ZNF888: variants seen among roughly 807,000 people sequenced by gnomAD.
ZNF888 encodes the protein zinc finger protein 888.
In ZNF888, 5 loss-of-function variants were observed where a neutral mutation model predicts 7.2. The ratio of observed to expected loss-of-function variants is 0.70; its 90% CI spans 0.36 to 1.46. ZNF888 has a LOEUF of 1.46. Ranked by LOEUF, ZNF888 falls within the 40% of genes most tolerant of loss-of-function variation. The pLI, the probability that ZNF888 is intolerant of heterozygous loss-of-function variation, is 0.03. For synonymous variants in ZNF888, 240 were observed against 284.3 expected (o/e 0.84, Z 1.57); for missense variants, 716 against 858.0 (o/e 0.83, Z 2.07).
chr19:52,907,181 G>C lies in ZNF888; in HGVS notation c.1141C>G (p.Pro381Ala), dbSNP rs1171323701. Residue 381 changes from proline to alanine, a missense_variant, in exon 5 of 5, where the codon CCA (proline) becomes GCA (alanine). Around this residue, in one of 2 missense-constraint regions of ZNF888, gnomAD observed 697 missense variants for 803.4 expected, o/e 0.87. Transcript: ENST00000638862. ...RHRRIHTGEK[P>A]YKCKVCDKAF... is the part of the protein sequence containing the mutation. The stretch of plus-strand genomic sequence containing the variant: ...TTGTCACAAACCTTACATTTGTATG[G>C]TTTCTCACCAGTGTGAATTCTCCTA... 5 of 1,612,256 alleles carry C rather than the reference G, an allele frequency of 3.1e-6. No individual in the cohort carries two copies. The highest frequency in any genetic ancestry group is 4.2e-6 in the Non-Finnish European group (5 of 1,179,614).
chr19:52,911,629 T>C (rs569868607), intron 4 of ZNF888, among the ~76,000 whole-genome samples: 105 of 151,928 alleles, frequency 6.9e-4, no homozygotes, highest in Middle Eastern at 3.4e-3. Flanking sequence ...TGAGCCACCG[T>C]GCCCAGCATC....
rs1328327140 is a variant in ZNF888 at position 52,917,889 on chromosome 19, T to TTTCCTC, written c.-22_-17dup. The TTTCCTC allele has an allele frequency of 6.2e-7, 1 of 1,612,328 alleles. No individual in the cohort carries two copies. Among genetic ancestry groups the TTTCCTC allele is most frequent in the Non-Finnish European group, 8.5e-7 (1 of 1,180,000 alleles). ...GAAGAGCCATCCCTGACTCCTTTGC[T>TTTCCTC]TTCCTCTTCCTCTTCTGAGTTTCTT... On this transcript the variant is annotated 5_prime_UTR_variant, in exon 3 of 5. Coordinates refer to ENST00000638862, the MANE Select transcript of ZNF888 (RefSeq NM_001393938.1).
chr19:52,907,268 T>G lies in ZNF888; in HGVS notation c.1054A>C (p.Lys352Gln). 15 of 1,613,342 alleles carry G rather than the reference T, an allele frequency of 9.3e-6. No homozygotes were observed. The highest frequency in any genetic ancestry group is 1.3e-5 in the Non-Finnish European group (15 of 1,179,804). The change falls in exon 5 of 5, where the codon AAA becomes CAA. Residue 352 changes from lysine (K) to glutamine (Q), a missense_variant. Physicochemically the swap from Lys to Gln is moderately conservative, Grantham distance 53. Around this residue, in one of 2 missense-constraint regions of ZNF888, gnomAD observed 697 missense variants for 803.4 expected, o/e 0.87. Coordinates refer to ENST00000638862, the MANE Select transcript of ZNF888 (RefSeq NM_001393938.1). The part of the protein sequence containing the change: ...ARHHRVHTGE[K>Q]PYQCKECDKV... The stretch of plus-strand genomic sequence containing the variant: ...TCACATTCTTTACATTGGTAAGGTT[T>G]CTCTCCAGTATGAACTCTATGATGA...
chr19:52,917,536 C>G (rs2064765283), intron 3 of ZNF888: 1 of 659,736 alleles, frequency 1.5e-6, no homozygotes, highest in Non-Finnish European at 2.7e-6. Context: ...CCACAGAAAA[C>G]TGACAGTGCA....
At position 52,908,754 on chromosome 19, in the gene ZNF888, A is replaced by G. The variant is rs936304879; in HGVS notation, c.143-575T>C. Among the ~76,000 whole-genome samples, 193 of 151,200 alleles carry G rather than the reference A, an allele frequency of 1.3e-3. 1 individual carries two copies. Among genetic ancestry groups the G allele is most frequent in the South Asian group, 1.3e-3 (6 of 4,778 alleles). On this transcript the variant is annotated intron_variant, in intron 4 of 4. Coordinates refer to ENST00000638862, the MANE Select transcript of ZNF888 (RefSeq NM_001393938.1). The stretch of plus-strand genomic sequence containing the variant: ...CCAGGTACTCGGGAGGCTGAGGCAC[A>G]AGAATCACTTTAAGCCAAGAGGCAA...
Position 52,907,941 on chromosome 19 carries a change from T to C in ZNF888, c.381A>G (p.Gln127=), listed in dbSNP as rs2064631361. The C allele has an allele frequency of 2.5e-6, 4 of 1,614,140 alleles. No homozygotes were observed. The Admixed American group carries it at 6.7e-5, about 27-fold the overall frequency. ...TAATAGGCTTGTTTCCAGCATGCCT[T>C]TGATCATATTGGTCTGTACTACCCG... ...ELTGSTDQYD[Q]RHAGNKPIKY... The change falls in exon 5 of 5, where the codon CAA becomes CAG. Residue 127 remains glutamine (Q), a synonymous_variant. Transcript: ENST00000638862.
intron 1 of ZNF888, among the ~76,000 whole-genome samples, chr19:52,922,377 G>C (rs1470454788): frequency 6.6e-6 from 1 of 151,824 alleles, no homozygotes; most frequent in Non-Finnish European, 1.5e-5. Flanking sequence ...TTCTCCCTCT[G>C]TTCTCCTTGC....
At chr19:52,917,693 G>A (rs555241317) in intron 3 of ZNF888, among the ~76,000 whole-genome samples, 166 bp downstream of exon 3, 1 of 152,132 alleles carries the variant, frequency 6.6e-6, no homozygotes, top group Non-Finnish European at 1.5e-5. Flanking sequence ...ATTGGGTCAC[G>A]AGAGATGGAA....
In ZNF888 at chr19:52,916,638, A is replaced by G. The variant is rs890095491; in HGVS notation, c.15+1221T>C. 1.2e-4 allele frequency among the ~76,000 whole-genome samples: 9 copies of G among 72,796 alleles called. No individual in the cohort carries two copies. The Admixed American group carries it at 1.5e-3, about 12-fold the overall frequency. 47.8% of individuals were successfully genotyped at this position (72,796 alleles called of 152,430 possible). On this transcript the variant is annotated intron_variant, in intron 3 of 4. Coordinates refer to ENST00000638862, the MANE Select transcript of ZNF888 (RefSeq NM_001393938.1). The stretch of plus-strand genomic sequence containing the variant: ...TACATATATATATATATATATATAT[A>G]TATAGGTTTTAAATATATAAAAAGT...
intron 3 of ZNF888, among the ~76,000 whole-genome samples, chr19:52,916,062 C>T (rs1244650107): frequency 1.3e-5 from 2 of 152,250 alleles, no homozygotes; most frequent in Non-Finnish European, 2.9e-5. Flanking sequence ...AGGAGAATGG[C>T]TTGATCCCAG....
chr19:52,911,573 C>G (rs555544174), intron 4 of ZNF888, among the ~76,000 whole-genome samples: 1 of 151,310 alleles, frequency 6.6e-6, no homozygotes, highest in Non-Finnish European at 1.5e-5. Context: ...CTCCTGACCT[C>G]GTGATCCTCC....
intron 4 of ZNF888, among the ~76,000 whole-genome samples, chr19:52,912,177 G>GCA (rs1435567715): frequency 1.4e-5 from 2 of 139,590 alleles, no homozygotes; most frequent in Non-Finnish European, 1.5e-5. Flanking sequence ...GTCGTGGCAA[G>GCA]ATCTCGGCTC....
In ZNF888 at chr19:52,906,263, C is replaced by G; in HGVS notation, c.2059G>C (p.Glu687Gln). Residue 687 changes from glutamate (E) to glutamine (Q), a missense_variant, in exon 5 of 5, where the codon GAG (glutamate) becomes CAG (glutamine). Transcript: ENST00000638862. ...LAQHTRIHTGEKPFKCSECGK... is the reference protein window; with the variant it reads ...LAQHTRIHTGQKPFKCSECGK... Reference sequence around the variant, plus strand: ...CACTCACTACACTTGAAAGGTTTCTCTCCAGTATGAATTCTAGTATGTTGT... The same window carrying G: ...CACTCACTACACTTGAAAGGTTTCTGTCCAGTATGAATTCTAGTATGTTGT... 1 of 1,611,998 alleles carries G rather than the reference C, an allele frequency of 6.2e-7. No homozygotes were observed. Among genetic ancestry groups the G allele is most frequent in the Admixed American group, 1.7e-5 (1 of 59,950 alleles).
chr19:52,922,505 T>C (rs771221423), intron 1 of ZNF888, among the ~76,000 whole-genome samples: 1 of 152,138 alleles, frequency 6.6e-6, no homozygotes, highest in Non-Finnish European at 1.5e-5. Flanking sequence ...CCTTCATCTC[T>C]CTGTACATCC....
chr19:52,917,332 C>T (rs1279108557), intron 3 of ZNF888: 2 of 234,332 alleles, frequency 8.5e-6, no homozygotes, highest in African/African-American at 4.6e-5. Context: ...AGGCACACAC[C>T]ACCATGCCCA....
chr19:52,911,018 A>G (rs947290384), intron 4 of ZNF888, among the ~76,000 whole-genome samples: 4 of 151,954 alleles, frequency 2.6e-5, no homozygotes, highest in African/African-American at 9.7e-5. Flanking sequence ...GTCTGGGATT[A>G]CAGGTGCACA....
chr19:52,906,631 C>T lies in ZNF888; in HGVS notation c.1691G>A (p.Ser564Asn). Residue 564 changes from serine (S) to asparagine (N), a missense_variant, in exon 5 of 5, where the codon AGC becomes AAC. This residue lies in a region of ZNF888 where 697 missense variants were observed against 803.4 expected (regional missense o/e 0.87). Coordinates refer to ENST00000638862, the MANE Select transcript of ZNF888 (RefSeq NM_001393938.1). The stretch of plus-strand genomic sequence containing the variant: ...ATGAAGTCTATGATGATATGCAAGG[C>T]TTGATTTGTGATTAAAACTTTTGCC... ...ECGKSFNHKSSLAYHHRLHTG... is the reference protein window; with the variant it reads ...ECGKSFNHKSNLAYHHRLHTG... 6.2e-7 allele frequency: 1 copy of T among 1,612,190 alleles called. No individual in the cohort carries two copies. The highest frequency in any genetic ancestry group is 1.1e-5 in the South Asian group (1 of 90,976).
chr19:52,920,875 C>T lies in ZNF888; in HGVS notation c.-177-1938G>A, dbSNP rs192454586. ...CCTTGGGCATGTGTTCCTGGGACCC[C>T]CTGAGGCTGTGTCACAGGTCAGGGT... is the stretch of plus-strand genomic sequence containing the variant. On this transcript the variant is annotated intron_variant, in intron 1 of 4. Transcript: ENST00000638862. Among the ~76,000 whole-genome samples the T allele has an allele frequency of 3.0e-3, 96 of 32,208 alleles. 32 individuals carry two copies. Among genetic ancestry groups the T allele is most frequent in the African/African-American group, 8.3e-3 (96 of 11,532 alleles). The allele number at this position is 32,208 out of a possible 152,430, so 21.1% of individuals were successfully genotyped here. A position where few individuals can be genotyped will look rare whatever the true frequency, so the allele number is the denominator to read the frequency against.
intron 1 of ZNF888, among the ~76,000 whole-genome samples, chr19:52,922,069 C>T (rs939764612): frequency 6.6e-6 from 1 of 151,798 alleles, no homozygotes; most frequent in Non-Finnish European, 1.5e-5. Flanking sequence ...ATTCCCAGCA[C>T]TTTGGGAGGT....
Sources: gnomAD v4.1 joint callset for allele counts (sites outside exome capture counted in the v4.1 genomes callset) on GRCh38, gnomAD v4.1.1 for gene constraint, gnomAD v4.1.1 regional missense constraint, MANE v1.5 for transcripts, NCBI Gene and HGNC (gene_info 2026-07-23, HGNC 2026-07-21) for gene names.